TICAM1: variants seen among roughly 807,000 people sequenced by gnomAD.
TICAM1 encodes TIR domain containing adaptor molecule 1, also known as TIR domain-containing adapter molecule 1.
For synonymous variants in TICAM1, 439 were observed against 415.4 expected, an observed-to-expected ratio of 1.06 and a Z score of -0.69; for missense variants, 895 against 938.2, an observed-to-expected ratio of 0.95 and a Z score of 0.60.
At chr19:4,831,328 G>C (rs2093613305) in intron 1 of TICAM1, among the ~76,000 whole-genome samples, 1 of 151,496 alleles carries the variant, frequency 6.6e-6, no homozygotes, top group African/African-American at 2.4e-5. Context: ...GTGTCCGGGA[G>C]GAATCTGGGG....
chr19:4,816,792 T>G lies in TICAM1; in HGVS notation c.1586A>C (p.Lys529Thr), dbSNP rs1257006852. Residue 529 changes from lysine (K) to threonine (T), a missense_variant, in exon 2 of 2, where the codon AAG becomes ACG. Physicochemically the swap from Lys to Thr is moderately conservative, Grantham distance 78. Transcript: ENST00000248244. The surrounding 1 kb of genome is among the most constrained non-coding windows in gnomAD (Gnocchi z 4.3). ...IFARKVANTF[K>T]PHRLQARKAM... ...CTTTCGGGCCTGAAGCCTGTGGGGCTTGAAGGTGTTGGCCACCTTCCTGGC... is the reference window on the plus strand; with the variant it reads ...CTTTCGGGCCTGAAGCCTGTGGGGCGTGAAGGTGTTGGCCACCTTCCTGGC... 6.2e-7 allele frequency: 1 copy of G among 1,613,256 alleles called. No individual in the cohort carries two copies. The highest frequency in any genetic ancestry group is 8.5e-7 in the Non-Finnish European group (1 of 1,180,034).
At chr19:4,821,683 T>G (rs1227381344) in intron 1 of TICAM1, among the ~76,000 whole-genome samples, 5 of 151,646 alleles carry the variant, frequency 3.3e-5, no homozygotes, top group Non-Finnish European at 7.4e-5. Context: ...TCACTCTTGT[T>G]GCCCAGGCTG....
At chr19:4,822,566 T>C (rs1024596241) in intron 1 of TICAM1, among the ~76,000 whole-genome samples, 31 of 152,214 alleles carry the variant, frequency 2.0e-4, no homozygotes, top group African/African-American at 6.8e-4. Flanking sequence ...AATAAAGTTT[T>C]ATTGCAACAC....
chr19:4,817,769 C>T lies in TICAM1; in HGVS notation c.609G>A (p.Leu203=), dbSNP rs1044560697. ...SLRSTGSPAS[L]ASNLEISQSP... is the part of the protein sequence containing the mutation. ...ACTGGCTGATTTCCAAGTTGCTGGC[C>T]AGGGAGGCAGGGCTGCCAGTGGATC... The change falls in exon 2 of 2, where the codon CTG becomes CTA. Residue 203 remains leucine, a synonymous_variant. Coordinates refer to ENST00000248244, the MANE Select transcript of TICAM1 (RefSeq NM_182919.4). The surrounding 1 kb of genome is among the most constrained non-coding windows in gnomAD (Gnocchi z 4.7). 3 of 1,601,752 alleles carry T rather than the reference C, an allele frequency of 1.9e-6. No individual in the cohort carries two copies. The highest frequency in any genetic ancestry group is 2.7e-5 in the African/African-American group (2 of 74,826).
At position 4,817,619 on chromosome 19, in the gene TICAM1, C is replaced by G; in HGVS notation, c.759G>C (p.Met253Ile). The change falls in exon 2 of 2, where the codon ATG (methionine) becomes ATC (isoleucine). Residue 253 changes from methionine to isoleucine, a missense_variant. Physicochemically the swap from Met to Ile is conservative, Grantham distance 10. Coordinates refer to ENST00000248244, the MANE Select transcript of TICAM1 (RefSeq NM_182919.4). This position sits in a 1 kb window ranked among gnomAD's most constrained non-coding sequence, Gnocchi z 4.7. ...CAATCTCCCCCGATGGCGGCCAGCT[C>G]ATCTCCTCAGGCTCCTGGCAGCCAC... ...VPGGCQEPEE[M>I]SWPPSGEIAS... 1.9e-6 allele frequency: 3 copies of G among 1,595,582 alleles called. No homozygotes were observed. Among genetic ancestry groups the G allele is most frequent in the Non-Finnish European group, 2.6e-6 (3 of 1,171,298 alleles).
intron 1 of TICAM1, among the ~76,000 whole-genome samples, chr19:4,827,757 C>CA (rs568047332): frequency 0.25 from 22,907 of 90,444 alleles, 2,331 homozygotes; most frequent in East Asian, 0.47. Flanking sequence ...GACTCCATCT[C>CA]AAAAAAAAAA....
chr19:4,817,950 C>T lies in TICAM1; in HGVS notation c.428G>A (p.Arg143Gln), dbSNP rs761271093. Residue 143 changes from arginine (R) to glutamine (Q), a missense_variant, in exon 2 of 2, where the codon CGG (arginine) becomes CAG (glutamine). Coordinates refer to ENST00000248244, the MANE Select transcript of TICAM1 (RefSeq NM_182919.4). This position sits in a 1 kb window ranked among gnomAD's most constrained non-coding sequence, Gnocchi z 4.7. ...LGELQDEARN[R>Q]CGWDIAGDPG... ...ATCCCCAGCAATGTCCCACCCACAC[C>T]GGTTTCGGGCCTCATCCTGAAGTTC... The T allele has an allele frequency of 1.5e-5, 25 of 1,613,648 alleles. No individual in the cohort carries two copies. Among genetic ancestry groups the T allele is most frequent in the South Asian group, 3.3e-5 (3 of 91,092 alleles).
rs373375585 is a variant in TICAM1, at chr19:4,821,030, T to TAAAA, written c.-139-2518_-139-2515dup. ...AACACGGTGAAACTCCCGTCTCTAG[T>TAAAA]AAAAAAAAAAAAAAAAATTGCCAGA... is the stretch of plus-strand genomic sequence containing the variant. On this transcript the variant is annotated intron_variant, in intron 1 of 1. Transcript: ENST00000248244. 1.5e-3 allele frequency among the ~76,000 whole-genome samples: 214 copies of TAAAA among 140,542 alleles called. 2 individuals carry two copies. The highest frequency in any genetic ancestry group is 5.1e-3 in the African/African-American group (196 of 38,132). 92.2% of individuals were successfully genotyped at this position (140,542 alleles called of 152,430 possible).
chr19:4,818,834 G>A lies in TICAM1; in HGVS notation c.-139-318C>T, dbSNP rs900811893. 2.0e-5 allele frequency among the ~76,000 whole-genome samples: 3 copies of A among 152,108 alleles called. No individual in the cohort carries two copies. The highest frequency in any genetic ancestry group is 2.1e-4 in the South Asian group (1 of 4,828). Reference sequence around the variant, plus strand: ...AAAGTTTAAAAATTAGCTGGGCTGGGTGAGGGGGCTTAAGCCTGTAATCCC... The same window carrying A: ...AAAGTTTAAAAATTAGCTGGGCTGGATGAGGGGGCTTAAGCCTGTAATCCC... On this transcript the variant is annotated intron_variant, in intron 1 of 1. Transcript: ENST00000248244. The surrounding 1 kb of genome is among the most constrained non-coding windows in gnomAD (Gnocchi z 4.0).
At chr19:4,824,329 ATTTTTTTTT>A (rs1213088504) in intron 1 of TICAM1, among the ~76,000 whole-genome samples, 2 of 107,408 alleles carry the variant, frequency 1.9e-5, no homozygotes, top group East Asian at 2.5e-4. Flanking sequence ...CTTTTATCCA[ATTTTTTTTT>A]TTTTTTTTTT....
chr19:4,817,280 A>C lies in TICAM1; in HGVS notation c.1098T>G (p.Pro366=). The C allele has an allele frequency of 6.3e-7, 1 of 1,599,044 alleles. No individual in the cohort carries two copies. Among genetic ancestry groups the C allele is most frequent in the Non-Finnish European group, 8.5e-7 (1 of 1,174,484 alleles). The change falls in exon 2 of 2, where the codon CCT becomes CCG. Residue 366 remains proline, a synonymous_variant. Transcript: ENST00000248244. The surrounding 1 kb of genome is among the most constrained non-coding windows in gnomAD (Gnocchi z 4.7). ...PETSPPPPPP[P]PSSTPCSAHL... The stretch of plus-strand genomic sequence containing the variant: ...GAGCTGAACAAGGAGTAGATGAAGG[A>C]GGAGGAGGAGGAGGAGGAGGGGATG...
Position 4,816,954 on chromosome 19 carries a change from C to T in TICAM1, c.1424G>A (p.Ser475Asn). 3 of 1,614,066 alleles carry T rather than the reference C, an allele frequency of 1.9e-6. No homozygotes were observed. Among genetic ancestry groups the T allele is most frequent in the Non-Finnish European group, 2.5e-6 (3 of 1,180,030 alleles). ...SLHQVNQAMM[S>N]NLTRQGSPDC... ...TGGCGACCCCTGTCGCGTGAGGTTG[C>T]TCATCATGGCTTGGTTCACCTGGTG... Residue 475 changes from serine to asparagine, a missense_variant, in exon 2 of 2, where the codon AGC (serine) becomes AAC (asparagine). Physicochemically the swap from Ser to Asn is conservative, Grantham distance 46. Transcript: ENST00000248244. This position sits in a 1 kb window ranked among gnomAD's most constrained non-coding sequence, Gnocchi z 4.3.
In TICAM1 at chr19:4,831,623, G is replaced by C; in HGVS notation, c.-149C>G. ...CCCCTTCCCCACCTACCAGGGATCCGGGGCTGCCGGCTGCGCCACTGGGTC... is the reference window on the plus strand; with the variant it reads ...CCCCTTCCCCACCTACCAGGGATCCCGGGCTGCCGGCTGCGCCACTGGGTC... On this transcript the variant is annotated 5_prime_UTR_variant, in exon 1 of 2. Transcript: ENST00000248244. 1 of 152,690 alleles carries C rather than the reference G, an allele frequency of 6.5e-6. No individual in the cohort carries two copies. The highest frequency in any genetic ancestry group is 1.5e-5 in the Non-Finnish European group (1 of 68,338). The allele number at this position is 152,690 out of a possible 1,614,324, so 9.5% of individuals were successfully genotyped here. A position where few individuals can be genotyped will look rare whatever the true frequency, so the allele number is the denominator to read the frequency against.
intron 1 of TICAM1, among the ~76,000 whole-genome samples, chr19:4,828,177 C>T (rs965244244): frequency 6.6e-6 from 1 of 151,728 alleles, no homozygotes; most frequent in African/African-American, 2.4e-5. Context: ...TGCAGTGGCG[C>T]GATCTCGGCT....
intron 1 of TICAM1, among the ~76,000 whole-genome samples, chr19:4,824,859 A>G (rs1186259959): frequency 2.0e-5 from 3 of 151,578 alleles, no homozygotes; most frequent in Non-Finnish European, 2.9e-5. Context: ...CCTGAACCCA[A>G]GAAGTCGAGG....
intron 1 of TICAM1, 124 bp downstream of exon 1, chr19:4,831,490 C>T (rs1039179033): frequency 2.6e-5 from 4 of 152,132 alleles, no homozygotes; most frequent in African/African-American, 7.2e-5. Context: ...CTCCTCCGCA[C>T]CGGGGCCCTA....
intron 1 of TICAM1, among the ~76,000 whole-genome samples, chr19:4,827,372 C>CG (rs2093607103): frequency 1.8e-5 from 1 of 54,148 alleles, no homozygotes; most frequent in Non-Finnish European, 3.3e-5. Flanking sequence ...ACTCTGTCTC[C>CG]AAAAAAAAAA....
intron 1 of TICAM1, among the ~76,000 whole-genome samples, chr19:4,825,345 T>C (rs1222729708): frequency 6.6e-6 from 1 of 152,080 alleles, no homozygotes; most frequent in Non-Finnish European, 1.5e-5. Context: ...TGGAATAATC[T>C]GTACACCAAA....
At chr19:4,831,241 T>C (rs1364884982) in intron 1 of TICAM1, among the ~76,000 whole-genome samples, 1 of 149,198 alleles carries the variant, frequency 6.7e-6, no homozygotes, top group Non-Finnish European at 1.5e-5. Flanking sequence ...GGTAGGAAGC[T>C]TGGGTGTCAG....
Sources: allele counts gnomAD v4.1 joint callset (sites outside exome capture counted in the v4.1 genomes callset), GRCh38; gene constraint gnomAD v4.1.1; non-coding constraint Gnocchi (gnomAD v3.1); transcripts MANE v1.5; gene names NCBI Gene and HGNC (gene_info 2026-07-23, HGNC 2026-07-21).